Variants in TNR observed in about 807,000 individuals in gnomAD.
TNR encodes tenascin-R.
In TNR, 45 loss-of-function variants were observed where a neutral mutation model predicts 150.4. That is an observed-to-expected ratio of 0.30 (90% CI 0.24 to 0.38). TNR has a LOEUF of 0.38. Ranked by LOEUF, TNR falls within the 10% of genes least tolerant of loss-of-function variation. The probability of loss-of-function intolerance (pLI) is 1.00; values close to 1 mark genes in which losing one functional copy is unlikely to be tolerated. For missense variants in TNR, 1,544 were observed against 1,759.1 expected, an observed-to-expected ratio of 0.88 and a Z score of 2.19; for synonymous variants, 687 against 678.4, an observed-to-expected ratio of 1.01 and a Z score of -0.20.
intron 21 of TNR, among the ~76,000 whole-genome samples, chr1:175,325,051 A>T (rs976445028): frequency 1.3e-5 from 2 of 152,224 alleles, no homozygotes; most frequent in African/African-American, 2.4e-5. Context: ...AAACAGGATG[A>T]TGAAAAAAAC....
At chr1:175,540,385 A>G (rs1162178524) in intron 1 of TNR, among the ~76,000 whole-genome samples, 3 of 152,210 alleles carry the variant, frequency 2.0e-5, no homozygotes, top group African/African-American at 7.2e-5. Flanking sequence ...GGCCAGATTT[A>G]TCAGAACTTG....
chr1:175,533,957 C>T (rs1257027942), intron 1 of TNR, among the ~76,000 whole-genome samples: 6 of 152,142 alleles, frequency 3.9e-5, no homozygotes, highest in African/African-American at 9.7e-5. Flanking sequence ...ACACCCCGCT[C>T]CTCCTCCCAG....
intron 8 of TNR, among the ~76,000 whole-genome samples, chr1:175,380,810 G>A (rs1351864334): frequency 6.6e-6 from 1 of 152,198 alleles, no homozygotes; most frequent in African/African-American, 2.4e-5. Flanking sequence ...CACTTAAAAC[G>A]TTTAAAATAG....
chr1:175,355,015 AC>A (rs1358272464), intron 17 of TNR, among the ~76,000 whole-genome samples: 3 of 152,230 alleles, frequency 2.0e-5, no homozygotes, highest in Non-Finnish European at 4.4e-5. Context: ...TTGTTTCTTT[AC>A]TGTAGGCTAC....
intron 1 of TNR, among the ~76,000 whole-genome samples, chr1:175,668,099 G>A (rs1281324548): frequency 2.0e-5 from 3 of 152,086 alleles, no homozygotes; most frequent in South Asian, 4.1e-4. Context: ...AAAAGCCCTG[G>A]TCTAATACAT....
chr1:175,544,161 G>C (rs527291765), intron 1 of TNR, among the ~76,000 whole-genome samples: 1 of 152,304 alleles, frequency 6.6e-6, no homozygotes, highest in East Asian at 1.9e-4. Flanking sequence ...CTTAAGCAAC[G>C]AAGAGGCAAG....
chr1:175,378,988 T>C (rs1224459009), intron 9 of TNR, among the ~76,000 whole-genome samples: 1 of 152,190 alleles, frequency 6.6e-6, no homozygotes, highest in Non-Finnish European at 1.5e-5. Context: ...GTGACCAGCC[T>C]GACCAACATG....
chr1:175,424,842 A>C (rs1368710944), intron 2 of TNR, among the ~76,000 whole-genome samples: 3 of 152,174 alleles, frequency 2.0e-5, no homozygotes, highest in Middle Eastern at 3.4e-3. Flanking sequence ...CACAGTAACC[A>C]CTGGCTTCTG....
At position 175,331,058 on chromosome 1, in the gene TNR, T is replaced by TTTCTTTCTTTCCTTC. The variant is rs1491379776; in HGVS notation, c.3632-824_3632-823insGAAGGAAAGAAAGAA. Among the ~76,000 whole-genome samples the TTTCTTTCTTTCCTTC allele has an allele frequency of 1.3e-3, 148 of 116,274 alleles. 5 individuals are homozygous for TTTCTTTCTTTCCTTC. The highest frequency in any genetic ancestry group is 1.9e-3 in the East Asian group (8 of 4,290). The allele number at this position is 116,274 out of a possible 152,430, so 76.3% of individuals were successfully genotyped here. The stretch of plus-strand genomic sequence containing the variant: ...CTTTCTTTCTTTCTTTCTTTCTTTC[T>TTTCTTTCTTTCCTTC]TTCTTTCTTTCTTTCTTTCCTTCTT... On this transcript the variant is annotated intron_variant, in intron 20 of 22. Transcript: ENST00000367674.
intron 2 of TNR, among the ~76,000 whole-genome samples, chr1:175,433,523 A>T (rs531294604): frequency 8.1e-4 from 124 of 152,266 alleles, no homozygotes; most frequent in South Asian, 2.5e-3. Context: ...TGTCCTTTGT[A>T]CTTGCAGTAG....
At chr1:175,373,557 A>C (rs922855324) in intron 9 of TNR, among the ~76,000 whole-genome samples, 1 of 152,168 alleles carries the variant, frequency 6.6e-6, no homozygotes, top group Non-Finnish European at 1.5e-5. Context: ...AGCCAATTCC[A>C]TCCTGATTTA....
chr1:175,425,093 A>G (rs1654914057), intron 2 of TNR, among the ~76,000 whole-genome samples: 1 of 152,130 alleles, frequency 6.6e-6, no homozygotes, highest in African/African-American at 2.4e-5. Context: ...TTTTGGGCTT[A>G]TGAAACCACT....
Position 175,355,537 on chromosome 1 carries a change from A to G in TNR, c.3215T>C (p.Val1072Ala). Residue 1072 changes from valine to alanine, a missense_variant, in exon 17 of 23, where the codon GTC becomes GCC. Val to Ala is a moderately conservative substitution (Grantham distance 64, BLOSUM62 0). Transcript: ENST00000367674. The part of the protein sequence containing the change: ...QPPRAEIENY[V>A]LTYKSTDGSR... ...TCCATCGGTGGATTTGTAGGTCAAG[A>G]CATAATTTTCAATCTCTGCCCTGGG... The G allele has an allele frequency of 6.2e-7, 1 of 1,614,052 alleles. No individual in the cohort carries two copies. Among genetic ancestry groups the G allele is most frequent in the Non-Finnish European group, 8.5e-7 (1 of 1,179,914 alleles).
At position 175,403,123 on chromosome 1, in the gene TNR, A is replaced by C; in HGVS notation, c.976+17T>G. 1 of 1,597,662 alleles carries C rather than the reference A, an allele frequency of 6.3e-7. No individual in the cohort carries two copies. Among genetic ancestry groups the C allele is most frequent in the Non-Finnish European group, 8.6e-7 (1 of 1,168,048 alleles). ...GGACCACCCTTGCCAAACACCCCAG[A>C]GAGTTCCCCTGCCTACCTGCTGAGC... On this transcript the variant is annotated intron_variant, in intron 4 of 22. Coordinates refer to ENST00000367674, the MANE Select transcript of TNR (RefSeq NM_003285.3).
chr1:175,371,782 A>G (rs1031999142), intron 9 of TNR, among the ~76,000 whole-genome samples: 1 of 152,188 alleles, frequency 6.6e-6, no homozygotes, highest in Non-Finnish European at 1.5e-5. Flanking sequence ...TGATACAACT[A>G]GGTTTGGAAC....
intron 1 of TNR, among the ~76,000 whole-genome samples, chr1:175,737,607 G>T (rs1667806793): frequency 6.6e-6 from 1 of 152,208 alleles, no homozygotes; most frequent in African/African-American, 2.4e-5. Context: ...TAGGACCAAT[G>T]TTCCAGACTT....
intron 1 of TNR, among the ~76,000 whole-genome samples, chr1:175,645,700 T>C (rs10489310): frequency 0.13 from 20,233 of 152,184 alleles, 1,715 homozygotes; most frequent in East Asian, 0.42. Context: ...TCCAGGAATA[T>C]AGTTTTTTGA....
Position 175,473,010 on chromosome 1 carries a change from T to C in TNR, c.-64+55259A>G, listed in dbSNP as rs140701099. ...TTTGGAGCAGAGGTATTGAATGTAGTAGTGATGAAAGAGGTGGCTGCTTTA... is the reference window on the plus strand; with the variant it reads ...TTTGGAGCAGAGGTATTGAATGTAGCAGTGATGAAAGAGGTGGCTGCTTTA... On this transcript the variant is annotated intron_variant, in intron 2 of 22. Transcript: ENST00000367674. 8.7e-4 allele frequency among the ~76,000 whole-genome samples: 132 copies of C among 152,284 alleles called. 1 individual carries two copies. The highest frequency in any genetic ancestry group is 1.5e-3 in the Non-Finnish European group (100 of 68,024).
chr1:175,692,660 C>T (rs1388308375), intron 1 of TNR, among the ~76,000 whole-genome samples: 1 of 152,140 alleles, frequency 6.6e-6, no homozygotes, highest in Non-Finnish European at 1.5e-5. Context: ...AGAGGAGTTA[C>T]TGCCCTGAAT....
Sources: gnomAD v4.1 joint callset for allele counts (sites outside exome capture counted in the v4.1 genomes callset) on GRCh38, gnomAD v4.1.1 for gene constraint, MANE v1.5 for transcripts, NCBI Gene and HGNC (gene_info 2026-07-23, HGNC 2026-07-21) for gene names.